The following ALK variants were observed in gnomAD, a reference collection of about 807,000 sequenced individuals.
The protein encoded by ALK is ALK tyrosine kinase receptor.
Under a neutral mutation model 163.1 loss-of-function variants are expected in ALK, and 74 were observed. The observed-to-expected ratio is 0.45, with a 90% CI of 0.38 to 0.55. ALK has a LOEUF of 0.55. ALK is among the 20% of genes least tolerant of loss of function. The pLI is 0.00. For missense variants in ALK, 2,063 were observed against 2,105.3 expected (o/e 0.98, Z 0.39); for synonymous variants, 960 against 843.2 (o/e 1.14, Z -2.40).
rs1302743183 is a variant in ALK, at chr2:29,320,794, C to T, written c.1503G>A (p.Trp501Ter). The T allele has an allele frequency of 6.2e-7, 1 of 1,614,080 alleles. No individual in the cohort carries two copies. Among genetic ancestry groups the T allele is most frequent in the Non-Finnish European group, 8.5e-7 (1 of 1,179,992 alleles). The change falls in exon 7 of 29, where the codon TGG becomes TGA. Residue 501 changes from tryptophan to a stop codon, truncating the protein, a stop_gained. Coordinates refer to ENST00000389048, the MANE Select transcript of ALK (RefSeq NM_004304.5). LOFTEE classifies it high-confidence loss of function. ...QGTLSPHTPQ[W>*]QVRTLKDARF... ...GGGCATCCTTTAGGGTCCTGACCTG[C>T]CATTGAGGAGTGTGGGGTGACAGTG...
chr2:29,780,697 T>A (rs968750634), intron 1 of ALK, among the ~76,000 whole-genome samples: 2 of 152,170 alleles, frequency 1.3e-5, no homozygotes, highest in Admixed American at 6.5e-5. Context: ...GCACAACCCA[T>A]GGCGTTTCGG....
chr2:29,580,483 A>G (rs1674653909), intron 3 of ALK, among the ~76,000 whole-genome samples: 1 of 152,210 alleles, frequency 6.6e-6, no homozygotes, highest in Non-Finnish European at 1.5e-5. Context: ...CAGCCACAGC[A>G]CACGTCTCCG....
intron 1 of ALK, among the ~76,000 whole-genome samples, chr2:29,732,359 G>C (rs1291870763): frequency 6.6e-6 from 1 of 152,138 alleles, no homozygotes; most frequent in South Asian, 2.1e-4. Context: ...CCTACTCTGG[G>C]GTCCCAGACT....
At chr2:29,688,931 G>A (rs1434051502) in intron 3 of ALK, among the ~76,000 whole-genome samples, 1 of 152,166 alleles carries the variant, frequency 6.6e-6, no homozygotes, top group Non-Finnish European at 1.5e-5. Context: ...CTTGAAGCCT[G>A]CACTAGCACA....
Position 29,631,781 on chromosome 2 carries a change from G to C in ALK, c.952+63069C>G, listed in dbSNP as rs528761593. Reference sequence around the variant, plus strand: ...TTAGGTATCACAACGTGGCCCTCAAGGCCCCACACCATTTAATCCCATTCC... The same window carrying C: ...TTAGGTATCACAACGTGGCCCTCAACGCCCCACACCATTTAATCCCATTCC... On this transcript the variant is annotated intron_variant, in intron 3 of 28. Coordinates refer to ENST00000389048, the MANE Select transcript of ALK (RefSeq NM_004304.5). 3.3e-5 allele frequency among the ~76,000 whole-genome samples: 5 copies of C among 152,324 alleles called. No individual in the cohort carries two copies. In the East Asian group the frequency reaches 9.7e-4, roughly 29 times the overall value.
intron 1 of ALK, among the ~76,000 whole-genome samples, chr2:29,889,254 CAT>C (rs5830136): frequency 0.77 from 115,824 of 151,010 alleles, 44,511 homozygotes; most frequent in East Asian, 0.79. Flanking sequence ...TATATATACA[CAT>C]ATATATATAT....
chr2:29,782,283 G>A (rs749314716), intron 1 of ALK, among the ~76,000 whole-genome samples: 1 of 152,138 alleles, frequency 6.6e-6, no homozygotes, highest in Non-Finnish European at 1.5e-5. Flanking sequence ...AGGGTGAAGA[G>A]ACCTGTGGGT....
At chr2:29,370,816 T>C (rs1269860236) in intron 5 of ALK, among the ~76,000 whole-genome samples, 1 of 152,216 alleles carries the variant, frequency 6.6e-6, no homozygotes. Context: ...GGCTGCCATG[T>C]TGGCCCATCA....
At chr2:29,916,066 C>T (rs1407935184) in intron 1 of ALK, among the ~76,000 whole-genome samples, 1 of 152,232 alleles carries the variant, frequency 6.6e-6, no homozygotes, top group Non-Finnish European at 1.5e-5. Context: ...TGCCATTCTG[C>T]ATCCCAGCTC....
intron 1 of ALK, among the ~76,000 whole-genome samples, chr2:29,838,903 G>T (rs1665632681): frequency 6.6e-6 from 1 of 152,070 alleles, no homozygotes; most frequent in Admixed American, 6.6e-5. Context: ...TGTTTTCATG[G>T]TATATAAATT....
intron 1 of ALK, among the ~76,000 whole-genome samples, chr2:29,778,234 G>C (rs958340724): frequency 1.1e-4 from 16 of 152,224 alleles, no homozygotes; most frequent in African/African-American, 3.9e-4. Context: ...AGGTGGCAGA[G>C]TTAATCACCT....
chr2:29,253,844 TTAGATAGATAGATAGATAGA>T (rs10539749), intron 11 of ALK, among the ~76,000 whole-genome samples: 16 of 143,490 alleles, frequency 1.1e-4, no homozygotes, highest in African/African-American at 2.2e-4. Flanking sequence ...TATATCTATA[TTAGATAGATAGATAGATAGA>T]TAGATAGATA....
rs1665720844 is a variant in ALK at position 29,281,608 on chromosome 2, A to T, written c.1818-6112T>A. On this transcript the variant is annotated intron_variant, in intron 9 of 28. Coordinates refer to ENST00000389048, the MANE Select transcript of ALK (RefSeq NM_004304.5). Reference sequence around the variant, plus strand: ...CCGGTGGAGTTTGGAACTTGTTATTAAAACAGACTTGGCTAGAGATCTTGG... The same window carrying T: ...CCGGTGGAGTTTGGAACTTGTTATTTAAACAGACTTGGCTAGAGATCTTGG... 2.0e-5 allele frequency among the ~76,000 whole-genome samples: 3 copies of T among 152,294 alleles called. No homozygotes were observed. In the South Asian group the frequency reaches 6.2e-4, roughly 32 times the overall value.
At chr2:29,682,575 A>C (rs1678108307) in intron 3 of ALK, among the ~76,000 whole-genome samples, 1 of 152,192 alleles carries the variant, frequency 6.6e-6, no homozygotes, top group Non-Finnish European at 1.5e-5. Flanking sequence ...ATGAAGAAAA[A>C]TAATTCTTAG....
At position 29,197,321 on chromosome 2, in the gene ALK, C is replaced by G. The variant is rs531156361; in HGVS notation, c.4073+221G>C. Among the ~76,000 whole-genome samples the G allele has an allele frequency of 9.2e-5, 14 of 152,190 alleles. No individual in the cohort carries two copies. In the South Asian group the frequency reaches 1.5e-3, roughly 16 times the overall value. On this transcript the variant is annotated intron_variant, in intron 27 of 28. Coordinates refer to ENST00000389048, the MANE Select transcript of ALK (RefSeq NM_004304.5). Reference sequence around the variant, plus strand: ...GGCCTGGTGAGTCCACAGCCTGTAGCCAGACAATGGATACTTTTTCTGGGA... The same window carrying G: ...GGCCTGGTGAGTCCACAGCCTGTAGGCAGACAATGGATACTTTTTCTGGGA...
chr2:29,255,695 C>T (rs1172447747), intron 11 of ALK, among the ~76,000 whole-genome samples: 1 of 152,120 alleles, frequency 6.6e-6, no homozygotes, highest in Admixed American at 6.5e-5. Flanking sequence ...GTCAGATTGT[C>T]CCTACATAAG....
chr2:29,339,334 T>C (rs1196351183), intron 5 of ALK, among the ~76,000 whole-genome samples: 6 of 151,004 alleles, frequency 4.0e-5, no homozygotes, highest in Non-Finnish European at 7.4e-5. Flanking sequence ...AAAAAGGCTG[T>C]GGAGGAGCGG....
chr2:29,458,707 C>T (rs773586818), intron 4 of ALK, among the ~76,000 whole-genome samples: 2 of 152,130 alleles, frequency 1.3e-5, no homozygotes, highest in Non-Finnish European at 2.9e-5. Context: ...ACAACTGAAC[C>T]ATAGCTGAAG....
Position 29,523,380 on chromosome 2 carries a change from C to T in ALK, c.1154+8535G>A, listed in dbSNP as rs189271802. Among the ~76,000 whole-genome samples, 203 of 152,278 alleles carry T rather than the reference C, an allele frequency of 1.3e-3. 1 individual carries two copies. The highest frequency in any genetic ancestry group is 3.4e-3 in the Middle Eastern group (1 of 294). On this transcript the variant is annotated intron_variant, in intron 4 of 28. Coordinates refer to ENST00000389048, the MANE Select transcript of ALK (RefSeq NM_004304.5). ...CTTATGGCCTCATAACTGTGTCTGT[C>T]GTCCAACTCCAAACCTTGTTCTGAG...
Sources: gnomAD v4.1 joint callset for allele counts (sites outside exome capture counted in the v4.1 genomes callset) on GRCh38, gnomAD v4.1.1 for gene constraint, MANE v1.5 for transcripts, NCBI Gene and HGNC (gene_info 2026-07-23, HGNC 2026-07-21) for gene names.